PTPRN2: variants seen among roughly 807,000 people sequenced by gnomAD.
PTPRN2 encodes protein tyrosine phosphatase receptor type N2.
Under a neutral mutation model 118.8 loss-of-function variants are expected in PTPRN2, and 74 were observed. The observed-to-expected ratio is 0.62, with a 90% CI of 0.52 to 0.76. The LOEUF (loss-of-function observed/expected upper bound fraction) is 0.76, where lower values mean the gene tolerates loss of function less well. PTPRN2 is among the 30% of genes least tolerant of loss of function. The pLI is 0.00. For missense variants in PTPRN2, 1,481 were observed against 1,394.4 expected (o/e 1.06, Z -0.99); for synonymous variants, 641 against 608.0 (o/e 1.05, Z -0.80).
intron 1 of PTPRN2, among the ~76,000 whole-genome samples, chr7:158,548,752 T>C (rs1022668810): frequency 5.3e-5 from 8 of 152,186 alleles, no homozygotes; most frequent in African/African-American, 1.4e-4. Flanking sequence ...CTAAGCCCAG[T>C]GTGGGACCAG....
chr7:158,050,931 A>T (rs1159359022), intron 11 of PTPRN2, among the ~76,000 whole-genome samples: 2 of 152,232 alleles, frequency 1.3e-5, no homozygotes, highest in African/African-American at 2.4e-5. Flanking sequence ...TCCCCACGGC[A>T]GGAGTGAGGA....
At chr7:158,343,730 C>T (rs1019000898) in intron 2 of PTPRN2, among the ~76,000 whole-genome samples, 6 of 151,106 alleles carry the variant, frequency 4.0e-5, no homozygotes, top group South Asian at 2.1e-4. Flanking sequence ...TGGGCTGTCG[C>T]GGCTGCTCCC....
intron 12 of PTPRN2, among the ~76,000 whole-genome samples, chr7:157,853,482 G>T (rs1247897242): frequency 1.3e-5 from 2 of 149,888 alleles, no homozygotes; most frequent in Non-Finnish European, 3.0e-5. Context: ...CGTCTTCTTT[G>T]TGTGTAACCT....
intron 1 of PTPRN2, among the ~76,000 whole-genome samples, chr7:158,569,503 G>A (rs1827852799): frequency 6.6e-6 from 1 of 152,256 alleles, no homozygotes; most frequent in African/African-American, 2.4e-5. Flanking sequence ...AGGCTGTGGG[G>A]CCGAGGGGTC....
intron 1 of PTPRN2, among the ~76,000 whole-genome samples, chr7:158,537,868 T>C (rs1235505485): frequency 6.6e-6 from 1 of 152,284 alleles, no homozygotes; most frequent in Non-Finnish European, 1.5e-5. Flanking sequence ...TCTTTATTTA[T>C]GAATGTTCCT....
intron 3 of PTPRN2, among the ~76,000 whole-genome samples, chr7:158,219,643 A>G (rs1828203170): frequency 6.6e-6 from 1 of 151,986 alleles, no homozygotes; most frequent in South Asian, 2.1e-4. Flanking sequence ...AATAAATAAG[A>G]TTGGTAGACC....
chr7:158,024,177 T>C (rs1188339060), intron 11 of PTPRN2, among the ~76,000 whole-genome samples: 2 of 152,160 alleles, frequency 1.3e-5, no homozygotes, highest in Admixed American at 1.3e-4. Flanking sequence ...GTTGTGAACA[T>C]GCCCAGTGCA....
At chr7:158,173,922 C>G (rs1180735351) in intron 5 of PTPRN2, among the ~76,000 whole-genome samples, 2 of 152,164 alleles carry the variant, frequency 1.3e-5, no homozygotes, top group Non-Finnish European at 2.9e-5. Context: ...TGTTCTGTTC[C>G]TTTTCAGGGT....
chr7:157,936,909 G>A (rs766332302), intron 11 of PTPRN2, among the ~76,000 whole-genome samples: 38 of 152,232 alleles, frequency 2.5e-4, no homozygotes, highest in Non-Finnish European at 5.3e-4. Context: ...GCCATGGCCA[G>A]TCATGGGAAT....
At chr7:157,600,039 C>G (rs1585088979) in intron 16 of PTPRN2, among the ~76,000 whole-genome samples, 3 of 104,430 alleles carry the variant, frequency 2.9e-5, no homozygotes, top group East Asian at 2.9e-4. Flanking sequence ...GCCCACCTCT[C>G]CACCTGCCCA....
At chr7:158,092,984 C>G (rs1585413378) in intron 10 of PTPRN2, among the ~76,000 whole-genome samples, 1 of 152,224 alleles carries the variant, frequency 6.6e-6, no homozygotes. Context: ...AAGTTGAAAC[C>G]CTTGTAGTTT....
At chr7:157,680,095 C>G (rs1025804999) in intron 13 of PTPRN2, among the ~76,000 whole-genome samples, 2 of 152,242 alleles carry the variant, frequency 1.3e-5, no homozygotes, top group Non-Finnish European at 2.9e-5. Flanking sequence ...ACCATTCTCT[C>G]TCTCCGAGGT....
intron 12 of PTPRN2, among the ~76,000 whole-genome samples, chr7:157,723,567 T>A (rs555372757): frequency 6.6e-6 from 1 of 152,296 alleles, no homozygotes; most frequent in Non-Finnish European, 1.5e-5. Context: ...CAGGCCTTCC[T>A]CACCTCATGC....
intron 3 of PTPRN2, among the ~76,000 whole-genome samples, chr7:158,303,814 T>C (rs1337055703): frequency 6.6e-6 from 1 of 152,228 alleles, no homozygotes; most frequent in Non-Finnish European, 1.5e-5. Context: ...CAAGTTATTT[T>C]AATATAACGT....
chr7:158,118,299 T>A (rs190776848), intron 9 of PTPRN2, among the ~76,000 whole-genome samples: 230 of 152,322 alleles, frequency 1.5e-3, no homozygotes, highest in Non-Finnish European at 2.5e-3. Context: ...AATTTTTGTA[T>A]GTTATTGAAG....
chr7:158,343,062 T>C (rs1386431467), intron 2 of PTPRN2, among the ~76,000 whole-genome samples: 2 of 152,064 alleles, frequency 1.3e-5, no homozygotes, highest in Non-Finnish European at 2.9e-5. Flanking sequence ...AAAGAAAGAA[T>C]GTAACCATCA....
chr7:157,827,962 G>A (rs535450338), intron 12 of PTPRN2, among the ~76,000 whole-genome samples: 15 of 152,300 alleles, frequency 9.8e-5, no homozygotes, highest in Admixed American at 9.1e-4. Flanking sequence ...ACAGGTCTCC[G>A]CAAGGCAGCT....
intron 11 of PTPRN2, among the ~76,000 whole-genome samples, chr7:158,040,398 T>TCA (rs61036927): frequency 0.12 from 18,463 of 148,174 alleles, 1,123 homozygotes; most frequent in Admixed American, 0.14. Context: ...TGCACACACT[T>TCA]CACACACACA....
intron 5 of PTPRN2, among the ~76,000 whole-genome samples, chr7:158,174,829 G>A (rs1824037892): frequency 1.3e-5 from 2 of 152,202 alleles, no homozygotes; most frequent in African/African-American, 4.8e-5. Context: ...GCCACGCCCT[G>A]CACCATACCC....
Sources: allele counts gnomAD v4.1 joint callset (sites outside exome capture counted in the v4.1 genomes callset), GRCh38; gene constraint gnomAD v4.1.1; transcripts MANE v1.5; gene names NCBI Gene and HGNC (gene_info 2026-07-23, HGNC 2026-07-21).